The following CXorf66 variants were observed in gnomAD, a reference collection of about 807,000 sequenced individuals.
CXorf66 encodes the protein uncharacterized protein CXorf66.
In CXorf66, 6 loss-of-function variants were observed where a neutral mutation model predicts 5.0. The observed-to-expected ratio is 1.20, with a 90% CI of 0.65 to 2.36. The LOEUF is 2.36. CXorf66 is among the 30% of genes most tolerant of loss of function. The pLI is 0.00. For synonymous variants in CXorf66, 98 were observed against 102.8 expected, an observed-to-expected ratio of 0.95 and a Z score of 0.28; for missense variants, 270 against 254.9, an observed-to-expected ratio of 1.06 and a Z score of -0.40.
intron 1 of CXorf66, among the ~76,000 whole-genome samples, chrX:139,959,130 C>T (rs1027450998): frequency 1.8e-5 from 2 of 111,829 alleles, no homozygotes; most frequent in African/African-American, 6.5e-5. Context: ...TCAGCAGATC[C>T]GACTCCCATG....
At chrX:139,958,335 T>A in intron 1 of CXorf66, 118 bp from the exon 2 acceptor site, 1 of 530,681 alleles carries the variant, frequency 1.9e-6, no homozygotes, top group Non-Finnish European at 3.0e-6. Context: ...TTTTTAAACC[T>A]GATTAATTGT....
Position 139,956,553 on chromosome X carries a change from T to A in CXorf66, c.429A>T (p.Leu143=), listed in dbSNP as rs765569454. 3 of 1,211,452 alleles carry A rather than the reference T, an allele frequency of 2.5e-6. No individual in the cohort carries two copies. Reference sequence around the variant, plus strand: ...CACTGTTTGGTATGGATGGCTTTTGTAGACTTGAGGGTCTGATTAATTTTT... The same window carrying A: ...CACTGTTTGGTATGGATGGCTTTTGAAGACTTGAGGGTCTGATTAATTTTT... ...STEKLIRPSS[L]QKPSIPNSAG... The change falls in exon 3 of 3, where the codon CTA becomes CTT. Residue 143 remains leucine, a synonymous_variant. Transcript: ENST00000370540.
Position 139,965,378 on chromosome X carries a change from T to C in CXorf66, c.88+31A>G, listed in dbSNP as rs751510341. 1.6e-5 allele frequency: 16 copies of C among 1,032,095 alleles called. No individual in the cohort carries two copies. In the East Asian group the frequency reaches 4.8e-4, roughly 31 times the overall value. The allele number at this position is 1,032,095 out of a possible 1,213,427, so 85.1% of individuals were successfully genotyped here. A position where few individuals can be genotyped will look rare whatever the true frequency, so the allele number is the denominator to read the frequency against. On this transcript the variant is annotated intron_variant, in intron 1 of 2. Transcript: ENST00000370540. The stretch of plus-strand genomic sequence containing the variant: ...CTTTAATGTATACTGTAACAGATCA[T>C]AATTTACAAGTTTTAAGGTTAGGCA...
Position 139,956,337 on chromosome X carries a change from T to A in CXorf66, c.645A>T (p.Pro215=). ...KPVRPPQLFK[P]LYSSHPQNEI... ...CATTTTGTGGATGAGATGAATAAAGTGGCTTGAATAGCTGAGGTGGCCTGA... is the reference window on the plus strand; with the variant it reads ...CATTTTGTGGATGAGATGAATAAAGAGGCTTGAATAGCTGAGGTGGCCTGA... The change falls in exon 3 of 3, where the codon CCA becomes CCT. Residue 215 remains proline, a synonymous_variant. Coordinates refer to ENST00000370540, the MANE Select transcript of CXorf66 (RefSeq NM_001013403.3). The A allele has an allele frequency of 8.3e-7, 1 of 1,211,740 alleles. No individual in the cohort carries two copies. The highest frequency in any genetic ancestry group is 1.1e-6 in the Non-Finnish European group (1 of 895,325).
chrX:139,963,058 A>G (rs1306650537), intron 1 of CXorf66, among the ~76,000 whole-genome samples: 1 of 111,965 alleles, frequency 8.9e-6, no homozygotes, highest in Non-Finnish European at 1.9e-5. Flanking sequence ...ATAGTATTGG[A>G]ACTTCTGGCC....
chrX:139,961,268 A>G (rs1431730694), intron 1 of CXorf66, among the ~76,000 whole-genome samples: 2 of 111,868 alleles, frequency 1.8e-5, no homozygotes, highest in East Asian at 5.6e-4. Flanking sequence ...CAAAAAAAGC[A>G]GGGGTTGCAA....
chrX:139,957,171 A>G (rs754061703), intron 2 of CXorf66, among the ~76,000 whole-genome samples: 4 of 111,738 alleles, frequency 3.6e-5, no homozygotes, highest in African/African-American at 1.3e-4. Flanking sequence ...TGTCTCAAAA[A>G]CAAACAAACA....
At chrX:139,960,447 G>A (rs771316974) in intron 1 of CXorf66, among the ~76,000 whole-genome samples, 4 of 110,614 alleles carry the variant, frequency 3.6e-5, no homozygotes, top group Non-Finnish European at 7.5e-5. Flanking sequence ...CCAAACCTAC[G>A]ATTGATTGGT....
chrX:139,964,461 G>A (rs756191604), intron 1 of CXorf66, among the ~76,000 whole-genome samples: 1 of 111,799 alleles, frequency 8.9e-6, no homozygotes, highest in East Asian at 2.8e-4. Flanking sequence ...TACACTGTTG[G>A]TTGGAGTGTA....
chrX:139,955,871 C>T lies in CXorf66; in HGVS notation c.*25G>A, dbSNP rs1427910854. Reference sequence around the variant, plus strand: ...GTTGGTATAAGTTTGCTCTTTCACACTTGGATTTTATTTTTGTTGAGCTCC... The same window carrying T: ...GTTGGTATAAGTTTGCTCTTTCACATTTGGATTTTATTTTTGTTGAGCTCC... On this transcript the variant is annotated 3_prime_UTR_variant, in exon 3 of 3. Transcript: ENST00000370540. 4 of 1,156,261 alleles carry T rather than the reference C, an allele frequency of 3.5e-6. No homozygotes were observed. The highest frequency in any genetic ancestry group is 4.6e-6 in the Non-Finnish European group (4 of 869,680).
rs5955139 is a variant in CXorf66 at position 139,956,284 on chromosome X, G to A, written c.698C>T (p.Pro233Leu). Reference protein sequence around the residue: ...NEISPSKPFGPQELAKPPKHF... With the variant: ...NEISPSKPFGLQELAKPPKHF... ...TTTGGGAGGCTTAGCCAATTCCTGTGGACCGAATGGCTTGGATGGTGAGAT... is the reference window on the plus strand; with the variant it reads ...TTTGGGAGGCTTAGCCAATTCCTGTAGACCGAATGGCTTGGATGGTGAGAT... The change falls in exon 3 of 3, where the codon CCA becomes CTA. Residue 233 changes from proline (P) to leucine (L), a missense_variant. Coordinates refer to ENST00000370540, the MANE Select transcript of CXorf66 (RefSeq NM_001013403.3). 0.13 allele frequency: 152,393 copies of A among 1,209,080 alleles called. 14,413 individuals carry two copies. Among genetic ancestry groups the A allele is most frequent in the African/African-American group, 0.63 (35,891 of 56,731 alleles).
chrX:139,956,661 T>A lies in CXorf66; in HGVS notation c.321A>T (p.Pro107=). 1 of 1,211,449 alleles carries A rather than the reference T, an allele frequency of 8.3e-7. No homozygotes were observed. Among genetic ancestry groups the A allele is most frequent in the Middle Eastern group, 2.3e-4 (1 of 4,355 alleles). ...CAGTAGATAGCATGGGTTGTGTTTC[T>A]GGACTGCATTGAGAGGCTGTCTTGG... The part of the protein sequence containing the change: ...SEAKTASQCS[P]ETQPMLSTAD... The change falls in exon 3 of 3, where the codon CCA becomes CCT. Residue 107 remains proline (P), a synonymous_variant. Transcript: ENST00000370540.
chrX:139,959,056 A>G lies in CXorf66; in HGVS notation c.89-839T>C, dbSNP rs200349324. On this transcript the variant is annotated intron_variant, in intron 1 of 2. Coordinates refer to ENST00000370540, the MANE Select transcript of CXorf66 (RefSeq NM_001013403.3). ...TCCCCCCAGTGGCACCTGGAAGCCC[A>G]GTGAGACAGAACCATTCACTCTCCT... is the stretch of plus-strand genomic sequence containing the variant. Among the ~76,000 whole-genome samples the G allele has an allele frequency of 1.3e-4, 14 of 111,680 alleles. No individual in the cohort carries two copies. The East Asian group carries it at 4.0e-3, about 32-fold the overall frequency.
At chrX:139,961,645 T>C (rs1302261166) in intron 1 of CXorf66, among the ~76,000 whole-genome samples, 1 of 112,018 alleles carries the variant, frequency 8.9e-6, no homozygotes, top group Non-Finnish European at 1.9e-5. Context: ...ATAGCACTTA[T>C]TCTAAAACCA....
intron 1 of CXorf66, among the ~76,000 whole-genome samples, chrX:139,962,538 T>C (rs905629368): frequency 3.6e-5 from 4 of 111,371 alleles, no homozygotes; most frequent in Non-Finnish European, 7.5e-5. Flanking sequence ...TTTTAAATAA[T>C]AGAAAAAGAG....
rs756988092 is a variant in CXorf66 at position 139,958,343 on chromosome X, T to C, written c.89-126A>G. 115 of 506,860 alleles carry C rather than the reference T, an allele frequency of 2.3e-4. No homozygotes were observed. In the African/African-American group the frequency reaches 2.6e-3, roughly 11 times the overall value. The allele number at this position is 506,860 out of a possible 1,213,427, so 41.8% of individuals were successfully genotyped here. ...GAATTATTTTTTAAACCTGATTAAT[T>C]GTACCACTGTTATGTTTTTACCTCA... On this transcript the variant is annotated intron_variant, in intron 1 of 2. Transcript: ENST00000370540.
At chrX:139,960,519 A>G (rs2085589855) in intron 1 of CXorf66, among the ~76,000 whole-genome samples, 1 of 111,332 alleles carries the variant, frequency 9.0e-6, no homozygotes, top group Non-Finnish European at 1.9e-5. Flanking sequence ...GATATTATCC[A>G]GGAGAACTTC....
chrX:139,957,663 C>G (rs1288500026), intron 2 of CXorf66, among the ~76,000 whole-genome samples: 1 of 111,728 alleles, frequency 9.0e-6, no homozygotes, highest in African/African-American at 3.2e-5. Context: ...AGAGCAACAA[C>G]AGTGAATAAT....
At chrX:139,960,867 A>G (rs2085590997) in intron 1 of CXorf66, among the ~76,000 whole-genome samples, 1 of 111,745 alleles carries the variant, frequency 8.9e-6, no homozygotes, top group Non-Finnish European at 1.9e-5. Flanking sequence ...TCCTTTCCAG[A>G]CAAGCAAATA....
Sources: gnomAD v4.1 joint callset for allele counts (sites outside exome capture counted in the v4.1 genomes callset) on GRCh38, gnomAD v4.1.1 for gene constraint, MANE v1.5 for transcripts, NCBI Gene and HGNC (gene_info 2026-07-23, HGNC 2026-07-21) for gene names.